The following RREB1 variants were observed in gnomAD, a reference collection of about 807,000 sequenced individuals.
RREB1 encodes ras-responsive element-binding protein 1.
A neutral mutation model predicts 117.8 loss-of-function variants in RREB1; 27 were observed. The ratio of observed to expected loss-of-function variants is 0.23; its 90% CI spans 0.17 to 0.32. RREB1 has a LOEUF of 0.32. Among genes scored for constraint, RREB1 ranks in the 10% least tolerant of loss-of-function variants. The pLI, the probability that RREB1 is intolerant of heterozygous loss-of-function variation, is 1.00. For synonymous variants in RREB1, 1,298 were observed against 1,026.7 expected (o/e 1.26, Z -5.05); for missense variants, 2,577 against 2,378.2 (o/e 1.08, Z -1.74).
chr6:7,211,969 C>T, intron 8 of RREB1: 1 of 462,896 alleles, frequency 2.2e-6, no homozygotes, highest in Non-Finnish European at 3.9e-6. Context: ...CACCAGTGAG[C>T]CCCTGAACAC....
intron 1 of RREB1, among the ~76,000 whole-genome samples, chr6:7,149,399 A>G (rs1226466575): frequency 6.6e-6 from 1 of 152,242 alleles, no homozygotes; most frequent in Non-Finnish European, 1.5e-5. Flanking sequence ...GGAAGTCTCA[A>G]GTTAAATTTA....
At chr6:7,245,865 T>A (rs1768977863) in intron 11 of RREB1, among the ~76,000 whole-genome samples, 1 of 152,298 alleles carries the variant, frequency 6.6e-6, no homozygotes. Flanking sequence ...CTCTGCAGCC[T>A]CCACCTGGAG....
Position 7,186,060 on chromosome 6 carries a change from C to T in RREB1, c.172-1374C>T, listed in dbSNP as rs78549810. ...TGGTGTTATTTGCAAGGAGCAGAAA[C>T]TCATTCAAATGAATGCAAGTAAAAA... is the stretch of plus-strand genomic sequence containing the variant. On this transcript the variant is annotated intron_variant, in intron 4 of 12. Coordinates refer to ENST00000379938, the MANE Select transcript of RREB1 (RefSeq NM_001003699.4). 2.6e-5 allele frequency among the ~76,000 whole-genome samples: 4 copies of T among 152,338 alleles called. No individual in the cohort carries two copies. In the East Asian group the frequency reaches 7.7e-4, roughly 29 times the overall value.
intron 6 of RREB1, among the ~76,000 whole-genome samples, chr6:7,194,879 A>G (rs886619575): frequency 2.0e-5 from 3 of 152,344 alleles, no homozygotes; most frequent in Admixed American, 6.5e-5. Context: ...GTGTTCCACT[A>G]CTAGCTGTGT....
At chr6:7,146,606 G>A (rs576270332) in intron 1 of RREB1, among the ~76,000 whole-genome samples, 3 of 152,242 alleles carry the variant, frequency 2.0e-5, no homozygotes, top group South Asian at 2.1e-4. Flanking sequence ...GTTCTGCTTC[G>A]TGTTTGTGTC....
chr6:7,121,122 C>T (rs1414437128), intron 1 of RREB1, among the ~76,000 whole-genome samples: 1 of 152,134 alleles, frequency 6.6e-6, no homozygotes. Context: ...CTGCGCCTGG[C>T]CAGTTTTTGT....
chr6:7,232,763 C>CTTTTTT (rs59522749), intron 10 of RREB1, among the ~76,000 whole-genome samples: 3 of 136,972 alleles, frequency 2.2e-5, no homozygotes, highest in Non-Finnish European at 4.7e-5. Context: ...TTTTCTTTTT[C>CTTTTTT]TTTTTTTTTT....
chr6:7,141,486 T>A (rs992612803), intron 1 of RREB1, among the ~76,000 whole-genome samples: 15 of 152,176 alleles, frequency 9.9e-5, no homozygotes, highest in African/African-American at 3.1e-4. Context: ...CCCCCGCCTT[T>A]TTTGGCTAGA....
chr6:7,217,060 G>A (rs534800310), intron 8 of RREB1: 10 of 152,424 alleles, frequency 6.6e-5, no homozygotes, highest in African/African-American at 1.9e-4. Flanking sequence ...GGGGAGGGAC[G>A]GCTGCCTGGC....
chr6:7,200,117 T>C (rs140535980), intron 6 of RREB1, among the ~76,000 whole-genome samples: 253 of 152,216 alleles, frequency 1.7e-3, no homozygotes, highest in African/African-American at 5.7e-3. Flanking sequence ...CAAAACATTT[T>C]TCCCTTTTAC....
At chr6:7,192,553 T>C (rs2326883) in intron 6 of RREB1, among the ~76,000 whole-genome samples, 73,135 of 152,018 alleles carry the variant, frequency 0.48, 18,767 homozygotes, top group African/African-American at 0.67. Context: ...GAATTTTGGA[T>C]ATTTCATCAA....
In RREB1 at chr6:7,230,289, C is replaced by T; in HGVS notation, c.2190C>T (p.Ile730=). 1.9e-6 allele frequency: 3 copies of T among 1,594,694 alleles called. 1 individual carries two copies. The highest frequency in any genetic ancestry group is 3.3e-4 in the Middle Eastern group (2 of 6,048). The change falls in exon 10 of 13, where the codon ATC becomes ATT. Residue 730 remains isoleucine, a synonymous_variant. Coordinates refer to ENST00000379938, the MANE Select transcript of RREB1 (RefSeq NM_001003699.4). ...ACCTCAAGGCCACCCGCAAGGATAT[C>T]GAGAAGAACATCGAGTATGTGAGTA... ...KKHLKATRKD[I]EKNIEYVSSS... is the part of the protein sequence containing the mutation.
chr6:7,108,316 T>TTCCTCCTCC (rs143321297), intron 1 of RREB1, among the ~76,000 whole-genome samples: 64,995 of 147,980 alleles, frequency 0.44, 17,555 homozygotes, highest in Non-Finnish European at 0.61. Flanking sequence ...CGCCGGGCCA[T>TTCCTCCTCC]TCCTCCTCCT....
chr6:7,140,142 G>A (rs1458971068), intron 1 of RREB1, among the ~76,000 whole-genome samples: 1 of 152,152 alleles, frequency 6.6e-6, no homozygotes, highest in Non-Finnish European at 1.5e-5. Context: ...CTTTATGTGG[G>A]CCTGCCACAC....
chr6:7,156,485 C>T (rs950285138), intron 1 of RREB1, among the ~76,000 whole-genome samples: 1 of 152,218 alleles, frequency 6.6e-6, no homozygotes, highest in Non-Finnish European at 1.5e-5. Context: ...GGAACACCAG[C>T]CAGTCCCTTG....
At chr6:7,109,577 A>G (rs1761035429) in intron 1 of RREB1, among the ~76,000 whole-genome samples, 1 of 152,146 alleles carries the variant, frequency 6.6e-6, no homozygotes, top group Admixed American at 6.5e-5. Flanking sequence ...GGGCCGCTTG[A>G]CAGGCGCCGC....
Position 7,246,960 on chromosome 6 carries a change from C to T in RREB1, c.4510C>T (p.Pro1504Ser). 1 of 1,568,324 alleles carries T rather than the reference C, an allele frequency of 6.4e-7. No homozygotes were observed. Among genetic ancestry groups the T allele is most frequent in the Non-Finnish European group, 8.6e-7 (1 of 1,158,116 alleles). The change falls in exon 12 of 13, where the codon CCG (proline) becomes TCG (serine). Residue 1504 changes from proline to serine, a missense_variant. By Grantham distance (74) the Pro-to-Ser change is moderately conservative. Coordinates refer to ENST00000379938, the MANE Select transcript of RREB1 (RefSeq NM_001003699.4). ...PEQEEKPPET[P>S]AEVVESAPGA... ...ACAGGAGGAGAAGCCCCCCGAGACC[C>T]CGGCAGAGGTGGTGGAGTCGGCCCC...
intron 1 of RREB1, among the ~76,000 whole-genome samples, chr6:7,150,171 C>T (rs1763052588): frequency 6.6e-6 from 1 of 152,236 alleles, no homozygotes; most frequent in South Asian, 2.1e-4. Flanking sequence ...GAAAACTCCC[C>T]AGAGTTGCTA....
chr6:7,117,780 G>A (rs180694969), intron 1 of RREB1, among the ~76,000 whole-genome samples: 1 of 152,014 alleles, frequency 6.6e-6, no homozygotes, highest in Admixed American at 6.6e-5. Context: ...TGTTGCTCAT[G>A]CTGGTCTCAA....
Sources: gnomAD v4.1 joint callset for allele counts (sites outside exome capture counted in the v4.1 genomes callset) on GRCh38, gnomAD v4.1.1 for gene constraint, MANE v1.5 for transcripts, NCBI Gene and HGNC (gene_info 2026-07-23, HGNC 2026-07-21) for gene names.